Variants in CCDC12 observed in about 807,000 individuals in gnomAD.
CCDC12 encodes coiled-coil domain-containing protein 12.
CCDC12 carries 28 observed loss-of-function variants against 25.7 expected under a neutral mutation model. That is an observed-to-expected ratio of 1.09 (90% CI 0.81 to 1.50). The LOEUF (loss-of-function observed/expected upper bound fraction) is 1.50. Among genes scored for constraint, CCDC12 ranks in the 40% most tolerant of loss-of-function variants. The pLI is 0.00. For synonymous variants in CCDC12, 75 were observed against 87.7 expected (o/e 0.86, Z 0.81); for missense variants, 198 against 210.0 (o/e 0.94, Z 0.35).
chr3:46,976,893 G>A, upstream of CCDC12: 3 of 984,880 alleles, frequency 3.0e-6, no homozygotes, highest in Non-Finnish European at 4.1e-6. Flanking sequence ...TCCCCGCCTT[G>A]CCCCGCCCCG....
At chr3:46,959,767 C>T (rs914598251) in intron 1 of CCDC12, among the ~76,000 whole-genome samples, 3 of 152,164 alleles carry the variant, frequency 2.0e-5, no homozygotes, top group Admixed American at 2.0e-4. Context: ...AGACCACCTC[C>T]ATGCCTGCCT....
At chr3:46,958,537 C>T (rs973912530) in intron 1 of CCDC12, among the ~76,000 whole-genome samples, 2 of 152,144 alleles carry the variant, frequency 1.3e-5, no homozygotes, top group Non-Finnish European at 2.9e-5. Context: ...ATCTGCATCT[C>T]GTTATTGGGC....
At chr3:46,975,552 A>T (rs2034945971) in intron 1 of CCDC12, among the ~76,000 whole-genome samples, 1 of 98,374 alleles carries the variant, frequency 1.0e-5, no homozygotes, top group African/African-American at 3.7e-5. Flanking sequence ...TTTTTTTGAG[A>T]CGGAGTCTCG....
intron 2 of CCDC12, among the ~76,000 whole-genome samples, chr3:46,933,866 TG>T (rs1275672781): frequency 6.6e-6 from 1 of 152,236 alleles, no homozygotes; most frequent in African/African-American, 2.4e-5. Flanking sequence ...CATGTTGATC[TG>T]TAGTTTCTAA....
intron 2 of CCDC12, among the ~76,000 whole-genome samples, chr3:46,938,201 A>G (rs899125214): frequency 6.6e-6 from 1 of 152,024 alleles, no homozygotes; most frequent in Non-Finnish European, 1.5e-5. Context: ...GTGAGAAAAA[A>G]CAAAACAGGG....
chr3:46,959,363 A>G (rs2034395622), intron 1 of CCDC12, among the ~76,000 whole-genome samples: 1 of 152,212 alleles, frequency 6.6e-6, no homozygotes, highest in Non-Finnish European at 1.5e-5. Flanking sequence ...GCTAGATGGC[A>G]TGACTTAAGG....
At chr3:46,966,568 C>G (rs1313594663) in intron 1 of CCDC12, among the ~76,000 whole-genome samples, 4 of 151,986 alleles carry the variant, frequency 2.6e-5, no homozygotes, top group Non-Finnish European at 5.9e-5. Flanking sequence ...GCTAGAGTTG[C>G]TAGAGTGGCA....
intron 1 of CCDC12, among the ~76,000 whole-genome samples, chr3:46,962,223 C>T (rs1397887046): frequency 6.6e-6 from 1 of 151,984 alleles, no homozygotes; most frequent in Non-Finnish European, 1.5e-5. Flanking sequence ...CATCTGAGGT[C>T]AGGAGTTCAA....
At chr3:46,979,975 G>C, upstream of CCDC12, 1 of 233,980 alleles carries the variant, frequency 4.3e-6, no homozygotes, top group African/African-American at 2.3e-5. Flanking sequence ...CGCGCGCCCC[G>C]CGCCTGCTGC....
At chr3:46,923,484 G>C (rs1370352157) in intron 4 of CCDC12, 121 bp from the exon 5 acceptor site, 2 of 1,463,892 alleles carry the variant, frequency 1.4e-6, no homozygotes, top group Non-Finnish European at 9.4e-7. Flanking sequence ...CGAGAGCAAA[G>C]GGGCTGGTGG....
intron 1 of CCDC12, among the ~76,000 whole-genome samples, chr3:46,952,886 G>A (rs1033505831): frequency 1.3e-5 from 2 of 152,192 alleles, no homozygotes; most frequent in East Asian, 3.8e-4. Context: ...ACAGCTAGAG[G>A]TTGCCAGGAC....
intron 1 of CCDC12, among the ~76,000 whole-genome samples, chr3:46,945,514 G>C (rs1297616623): frequency 2.6e-5 from 4 of 152,200 alleles, no homozygotes; most frequent in Non-Finnish European, 5.9e-5. Flanking sequence ...CCCTGCTCAG[G>C]ACAGAGTCTG....
chr3:46,972,966 C>T (rs1352794565), intron 1 of CCDC12, among the ~76,000 whole-genome samples: 1 of 151,754 alleles, frequency 6.6e-6, no homozygotes, highest in East Asian at 1.9e-4. Context: ...AATTACATTC[C>T]TCTCCCTGCT....
chr3:46,962,427 T>A (rs2034490435), intron 1 of CCDC12, among the ~76,000 whole-genome samples: 3 of 70,944 alleles, frequency 4.2e-5, no homozygotes, highest in African/African-American at 1.3e-4. Context: ...AGAGCAAAAC[T>A]CTATCTCAAA....
intron 2 of CCDC12, among the ~76,000 whole-genome samples, chr3:46,935,456 T>C (rs2033404718): frequency 6.6e-6 from 1 of 151,790 alleles, no homozygotes; most frequent in African/African-American, 2.4e-5. Context: ...CATGCCTCCA[T>C]GGCACATATC....
chr3:46,929,294 A>G (rs2033105990), intron 2 of CCDC12, among the ~76,000 whole-genome samples: 1 of 152,242 alleles, frequency 6.6e-6, no homozygotes, highest in Non-Finnish European at 1.5e-5. Flanking sequence ...AAACAAAAAA[A>G]TCCAAAAGGA....
At chr3:46,923,810 G>C (rs2032817069) in intron 3 of CCDC12, 142 bp from the exon 4 acceptor site, 1 of 596,756 alleles carries the variant, frequency 1.7e-6, no homozygotes, top group African/African-American at 1.9e-5. Flanking sequence ...ACCAGCCAGA[G>C]GTGAAGACCC....
rs150074826 is a variant in CCDC12, at chr3:46,969,048, G to A, written c.96+7589C>T. Reference sequence around the variant, plus strand: ...TTTGCAACCAGGCTGCTGGGCCTGGGGATGTGGCCACATGGGATGTAGATA... The same window carrying A: ...TTTGCAACCAGGCTGCTGGGCCTGGAGATGTGGCCACATGGGATGTAGATA... On this transcript the variant is annotated intron_variant, in intron 1 of 6. Transcript: ENST00000683445. Among the ~76,000 whole-genome samples, 937 of 152,298 alleles carry A rather than the reference G, an allele frequency of 6.2e-3. 5 individuals carry two copies. Among genetic ancestry groups the A allele is most frequent in the South Asian group, 0.012 (56 of 4,826 alleles).
chr3:46,922,245 C>T lies in CCDC12; in HGVS notation c.409G>A (p.Glu137Lys), dbSNP rs544243419. 240 of 1,614,282 alleles carry T rather than the reference C, an allele frequency of 1.5e-4. 4 individuals are homozygous for T. In the South Asian group the frequency reaches 2.3e-3, roughly 16 times the overall value. The change falls in exon 6 of 7, where the codon GAG becomes AAG. Residue 137 changes from glutamate to lysine, a missense_variant. Coordinates refer to ENST00000683445, the MANE Select transcript of CCDC12 (RefSeq NM_001277074.2). ...LKKRTQRAIA[E>K]LIRERLKGQE... ...CAGGCACTGCACTTACGGATCAGCT[C>T]GGCAATGGCCCTCTGAGTCCGCTTT...
Sources: gnomAD v4.1 joint callset for allele counts (sites outside exome capture counted in the v4.1 genomes callset) on GRCh38, gnomAD v4.1.1 for gene constraint, MANE v1.5 for transcripts, NCBI Gene and HGNC (gene_info 2026-07-23, HGNC 2026-07-21) for gene names.